CHRM5: variants seen among roughly 807,000 people sequenced by gnomAD.
CHRM5 encodes the protein cholinergic receptor muscarinic 5.
A neutral mutation model predicts 39.0 loss-of-function variants in CHRM5; 18 were observed. The ratio of observed to expected loss-of-function variants is 0.46; its 90% CI spans 0.32 to 0.68. The LOEUF is 0.68. CHRM5 is among the 30% of genes least tolerant of loss of function. The pLI, the probability that CHRM5 is intolerant of heterozygous loss-of-function variation, is 0.04. For missense variants in CHRM5, 515 were observed against 651.1 expected, an observed-to-expected ratio of 0.79 and a Z score of 2.28; for synonymous variants, 241 against 246.3, an observed-to-expected ratio of 0.98 and a Z score of 0.20.
intron 1 of CHRM5, among the ~76,000 whole-genome samples, chr15:33,990,398 A>C (rs1378344912): frequency 6.6e-6 from 1 of 152,086 alleles, no homozygotes; most frequent in Non-Finnish European, 1.5e-5. Flanking sequence ...AAAAGAAAAG[A>C]AAAGAATGTA....
intron 1 of CHRM5, among the ~76,000 whole-genome samples, chr15:34,036,583 C>A (rs775227297): frequency 6.6e-6 from 1 of 152,116 alleles, no homozygotes; most frequent in African/African-American, 2.4e-5. Context: ...AGACTAAATA[C>A]AAACAGTACT....
intron 1 of CHRM5, among the ~76,000 whole-genome samples, chr15:33,987,089 T>A (rs910997200): frequency 2.6e-5 from 4 of 152,234 alleles, no homozygotes; most frequent in Non-Finnish European, 5.9e-5. Flanking sequence ...AAACAGTATA[T>A]ATTCATAATT....
rs544376009 is a variant in CHRM5 at position 34,000,107 on chromosome 15, C to T, written c.-408+30957C>T. 4.6e-5 allele frequency among the ~76,000 whole-genome samples: 7 copies of T among 152,276 alleles called. No homozygotes were observed. In the East Asian group the frequency reaches 1.3e-3, roughly 29 times the overall value. On this transcript the variant is annotated intron_variant, in intron 1 of 2. Coordinates refer to ENST00000383263, the MANE Select transcript of CHRM5 (RefSeq NM_012125.4). ...CTTTTCCCATAGATATCCTCACTTG[C>T]TCCCTCACCCTCCTCAGATCTTTGC... is the stretch of plus-strand genomic sequence containing the variant.
intron 2 of CHRM5, among the ~76,000 whole-genome samples, chr15:34,053,322 AT>A (rs1555520681): frequency 0.025 from 2,403 of 95,098 alleles, 27 homozygotes; most frequent in Non-Finnish European, 0.033. Context: ...AAAAAAAAAT[AT>A]ATATATATAT....
chr15:34,030,912 C>T (rs1898758273), intron 1 of CHRM5, among the ~76,000 whole-genome samples: 1 of 152,124 alleles, frequency 6.6e-6, no homozygotes, highest in South Asian at 2.1e-4. Context: ...GCCACTACAC[C>T]TGGCCTAAAT....
intron 1 of CHRM5, among the ~76,000 whole-genome samples, chr15:33,993,787 T>C (rs1423601532): frequency 6.6e-6 from 1 of 152,110 alleles, no homozygotes; most frequent in African/African-American, 2.4e-5. Flanking sequence ...TCTGGAATAA[T>C]CATTTCCTTG....
intron 1 of CHRM5, among the ~76,000 whole-genome samples, chr15:34,042,711 TA>T (rs1899523181): frequency 6.6e-6 from 1 of 152,080 alleles, no homozygotes; most frequent in Non-Finnish European, 1.5e-5. Context: ...CAACCTAAGT[TA>T]TTTTTTAAAT....
At chr15:34,026,398 A>G (rs1898473211) in intron 1 of CHRM5, among the ~76,000 whole-genome samples, 1 of 152,146 alleles carries the variant, frequency 6.6e-6, no homozygotes, top group Non-Finnish European at 1.5e-5. Context: ...TTAACCTTTT[A>G]TATTAAAGGG....
At chr15:34,001,190 T>G (rs1897124740) in intron 1 of CHRM5, among the ~76,000 whole-genome samples, 1 of 151,724 alleles carries the variant, frequency 6.6e-6, no homozygotes, top group Admixed American at 6.6e-5. Context: ...CCAGCTAATT[T>G]TTTGTGTTTT....
intron 1 of CHRM5, among the ~76,000 whole-genome samples, chr15:34,033,150 C>T (rs962674503): frequency 3.9e-5 from 6 of 152,092 alleles, no homozygotes; most frequent in African/African-American, 4.8e-5. Context: ...TGTTCATCCA[C>T]GGATACTCAA....
chr15:34,053,319 A>AATATATATATATATATAT (rs71119922), intron 2 of CHRM5, among the ~76,000 whole-genome samples: 14 of 42,064 alleles, frequency 3.3e-4, no homozygotes, highest in African/African-American at 1.0e-3. Flanking sequence ...AAAAAAAAAA[A>AATATATATATATATATAT]ATATATATAT....
chr15:34,012,589 T>G (rs1897681696), intron 1 of CHRM5, among the ~76,000 whole-genome samples: 2 of 152,208 alleles, frequency 1.3e-5, no homozygotes, highest in Admixed American at 1.3e-4. Context: ...TCAGTTAAAT[T>G]TTCAACTCTC....
chr15:34,020,228 G>A (rs1022041063), intron 1 of CHRM5, among the ~76,000 whole-genome samples: 3 of 151,888 alleles, frequency 2.0e-5, no homozygotes, highest in Non-Finnish European at 2.9e-5. Flanking sequence ...GGAGAATGGC[G>A]TGAACCAGGG....
intron 1 of CHRM5, among the ~76,000 whole-genome samples, chr15:33,981,156 A>C (rs894532654): frequency 6.6e-6 from 1 of 152,178 alleles, no homozygotes; most frequent in Admixed American, 6.5e-5. Flanking sequence ...CTGAATTAAG[A>C]AATCCAAAAG....
intron 1 of CHRM5, among the ~76,000 whole-genome samples, chr15:34,027,538 A>AAAAAG (rs1421053197): frequency 1.3e-5 from 2 of 151,478 alleles, no homozygotes; most frequent in Admixed American, 1.3e-4. Context: ...CAAAAAAAAA[A>AAAAAG]AAAGAAAGAA....
Position 34,043,983 on chromosome 15 carries a change from G to C in CHRM5, c.-407-2557G>C, listed in dbSNP as rs574031511. 3.3e-4 allele frequency among the ~76,000 whole-genome samples: 50 copies of C among 151,728 alleles called. 1 individual carries two copies. In the South Asian group the frequency reaches 0.01, roughly 31 times the overall value. On this transcript the variant is annotated intron_variant, in intron 1 of 2. Transcript: ENST00000383263. ...ATCTTATCTGTGATCACCTACTTGG[G>C]GACGTCTTTCCAGCAAATGCTCCCA...
intron 1 of CHRM5, among the ~76,000 whole-genome samples, chr15:34,045,984 G>A (rs1005036258): frequency 1.3e-5 from 2 of 152,034 alleles, no homozygotes; most frequent in African/African-American, 4.8e-5. Flanking sequence ...CTTAATGCTG[G>A]TATCCTAAAA....
chr15:34,038,971 T>A, intron 1 of CHRM5: 1 of 1,109,070 alleles, frequency 9.0e-7, no homozygotes, highest in Non-Finnish European at 1.1e-6. Flanking sequence ...GGCCGCTCGC[T>A]GTGGCGATCT....
intron 1 of CHRM5, chr15:34,039,100 C>A: frequency 9.4e-7 from 1 of 1,066,322 alleles, no homozygotes; most frequent in Non-Finnish European, 1.1e-6. Context: ...GGCGGAGACG[C>A]CCTGGCCCCA....
Sources: allele counts gnomAD v4.1 joint callset (sites outside exome capture counted in the v4.1 genomes callset), GRCh38; gene constraint gnomAD v4.1.1; transcripts MANE v1.5; gene names NCBI Gene and HGNC (gene_info 2026-07-23, HGNC 2026-07-21).